Variants in TOR1AIP2 observed in about 807,000 individuals in gnomAD.
TOR1AIP2 encodes the protein torsin-1A-interacting protein 2.
In TOR1AIP2, 20 loss-of-function variants were observed where a neutral mutation model predicts 32.6. The ratio of observed to expected loss-of-function variants is 0.61; its 90% CI spans 0.43 to 0.89. The LOEUF is 0.89. Among genes scored for constraint, TOR1AIP2 ranks in the 40% least tolerant of loss-of-function variants. The pLI is 0.00. For missense variants in TOR1AIP2, 456 were observed against 553.8 expected (o/e 0.82, Z 1.77); for synonymous variants, 214 against 210.8 (o/e 1.02, Z -0.13).
intron 3 of TOR1AIP2, chr1:179,862,396 T>A: frequency 1.0e-6 from 1 of 984,756 alleles, no homozygotes; most frequent in South Asian, 4.7e-5. Context: ...GATAGTGAAA[T>A]TCTTCATTAA....
intron 2 of TOR1AIP2, among the ~76,000 whole-genome samples, chr1:179,870,471 C>G (rs1307320373): frequency 6.6e-6 from 1 of 152,052 alleles, no homozygotes; most frequent in Non-Finnish European, 1.5e-5. Context: ...CTTTTAAACT[C>G]CTAGAGGAAT....
intron 3 of TOR1AIP2, chr1:179,859,854 G>A: frequency 1.0e-6 from 1 of 983,762 alleles, no homozygotes; most frequent in Non-Finnish European, 1.2e-6. Context: ...TAGATAAAGG[G>A]CCTTACTCTG....
At chr1:179,872,158 G>A (rs1315746162) in intron 2 of TOR1AIP2, among the ~76,000 whole-genome samples, 1 of 152,184 alleles carries the variant, frequency 6.6e-6, no homozygotes, top group Non-Finnish European at 1.5e-5. Context: ...AACGAAACAG[G>A]TGTGTATGCA....
chr1:179,868,589 T>G (rs1696886864), intron 2 of TOR1AIP2: 1 of 152,144 alleles, frequency 6.6e-6, no homozygotes, highest in African/African-American at 2.4e-5. Flanking sequence ...TTTAAAAACA[T>G]GAATAAAAAT....
rs1462752712 is a variant in TOR1AIP2, at chr1:179,840,915, T to A, written c.*5156A>T. 3.4e-5 allele frequency: 5 copies of A among 146,916 alleles called. No individual in the cohort carries two copies. Among genetic ancestry groups the A allele is most frequent in the African/African-American group, 1.0e-4 (4 of 38,324 alleles). 9.1% of individuals were successfully genotyped at this position (146,916 alleles called of 1,614,324 possible). ...ATAATAATAATAATAATAATAATAA[T>A]AAAGAAGTTATAGCACAGTTTATTA... On this transcript the variant is annotated 3_prime_UTR_variant, in exon 7 of 7. Transcript: ENST00000609928.
At chr1:179,862,124 G>GC (rs1275073332) in intron 3 of TOR1AIP2, 5 of 985,050 alleles carry the variant, frequency 5.1e-6, no homozygotes, top group Non-Finnish European at 6.0e-6. Flanking sequence ...CTTAGGTATT[G>GC]ATTTGAGAAA....
In TOR1AIP2 at chr1:179,852,801, A is replaced by C; in HGVS notation, c.-136T>G. On this transcript the variant is annotated 5_prime_UTR_variant, in exon 4 of 7. Transcript: ENST00000609928. The stretch of plus-strand genomic sequence containing the variant: ...CCCATGGACCCAGGAAATAAGGCAT[A>C]TATACAGTGACTAAAACAAAATGAA... The C allele has an allele frequency of 6.7e-7, 1 of 1,482,216 alleles. No homozygotes were observed. Among genetic ancestry groups the C allele is most frequent in the Admixed American group, 2.5e-5 (1 of 40,726 alleles). The allele number at this position is 1,482,216 out of a possible 1,614,324, so 91.8% of individuals were successfully genotyped here.
intron 3 of TOR1AIP2, chr1:179,860,002 A>G: frequency 1.6e-6 from 1 of 613,066 alleles, no homozygotes; most frequent in Non-Finnish European, 2.0e-6. Context: ...ACATCCAGCT[A>G]ATTTTTTTCT....
At chr1:179,859,883 A>C in intron 3 of TOR1AIP2, 2 of 957,868 alleles carry the variant, frequency 2.1e-6, no homozygotes, top group Non-Finnish European at 2.5e-6. Context: ...GCTGGAGGGC[A>C]GTAGTACCAT....
intron 3 of TOR1AIP2, among the ~76,000 whole-genome samples, chr1:179,855,266 C>T (rs757136470): frequency 2.5e-4 from 38 of 152,054 alleles, no homozygotes; most frequent in South Asian, 4.1e-4. Context: ...AATTTCTACA[C>T]AAGGTATCAA....
intron 5 of TOR1AIP2, 139 bp downstream of exon 5, chr1:179,850,706 T>G: frequency 9.0e-6 from 9 of 1,000,510 alleles, no homozygotes; most frequent in African/African-American, 1.6e-5. Flanking sequence ...TGGCTTGGTG[T>G]GAGCTTGGGC....
chr1:179,856,437 G>T (rs1696303475), intron 3 of TOR1AIP2, among the ~76,000 whole-genome samples: 1 of 152,104 alleles, frequency 6.6e-6, no homozygotes, highest in Admixed American at 6.5e-5. Context: ...AGCACACACA[G>T]ATCCTACACC....
At chr1:179,870,414 T>C (rs1316016289) in intron 2 of TOR1AIP2, among the ~76,000 whole-genome samples, 1 of 148,818 alleles carries the variant, frequency 6.7e-6, no homozygotes, top group East Asian at 1.9e-4. Context: ...AAAAAAAAAT[T>C]TTTTTTACAT....
intron 3 of TOR1AIP2, chr1:179,863,551 G>A (rs899869118): frequency 8.2e-5 from 81 of 984,898 alleles, no homozygotes; most frequent in Non-Finnish European, 9.4e-5. Context: ...ATCCTAGGCC[G>A]GGTAGGGTGG....
At chr1:179,862,242 T>C (rs576556822) in intron 3 of TOR1AIP2, 1 of 981,172 alleles carries the variant, frequency 1.0e-6, no homozygotes, top group African/African-American at 1.7e-5. Context: ...ATTTTCACAT[T>C]TGTAGAATGT....
Position 179,846,184 on chromosome 1 carries a change from A to G in TOR1AIP2, c.1300T>C (p.Ser434Pro). 6.2e-7 allele frequency: 1 copy of G among 1,614,154 alleles called. No individual in the cohort carries two copies. The highest frequency in any genetic ancestry group is 1.1e-5 in the South Asian group (1 of 91,078). Reference sequence around the variant, plus strand: ...TTGTCTGAGTCCATGTGGTTGAAGGAGGTGGGAGTGTCAGAGTTGGTAAAC... The same window carrying G: ...TTGTCTGAGTCCATGTGGTTGAAGGGGGTGGGAGTGTCAGAGTTGGTAAAC... ...AKFTNSDTPTSFNHMDSDKLS... is the reference protein window; with the variant it reads ...AKFTNSDTPTPFNHMDSDKLS... The change falls in exon 7 of 7, where the codon TCC (serine) becomes CCC (proline). Residue 434 changes from serine (S) to proline (P), a missense_variant. Coordinates refer to ENST00000609928, the MANE Select transcript of TOR1AIP2 (RefSeq NM_001199260.2).
intron 2 of TOR1AIP2, chr1:179,875,727 T>C (rs1475973732): frequency 6.6e-6 from 1 of 150,900 alleles, no homozygotes; most frequent in African/African-American, 2.4e-5. Flanking sequence ...AAAAAAAAAA[T>C]CATGTGCCAG....
At chr1:179,862,006 G>A in intron 3 of TOR1AIP2, 1 of 985,286 alleles carries the variant, frequency 1.0e-6, no homozygotes, top group Non-Finnish European at 1.2e-6. Flanking sequence ...GGCATGAGGT[G>A]TTATTTATAA....
chr1:179,871,788 A>G (rs956286686), intron 2 of TOR1AIP2, among the ~76,000 whole-genome samples: 3 of 152,256 alleles, frequency 2.0e-5, no homozygotes, highest in Non-Finnish European at 2.9e-5. Context: ...GGTTTCTCCA[A>G]TAAGTTTCAT....
Sources: allele counts gnomAD v4.1 joint callset (sites outside exome capture counted in the v4.1 genomes callset), GRCh38; gene constraint gnomAD v4.1.1; transcripts MANE v1.5; gene names NCBI Gene and HGNC (gene_info 2026-07-23, HGNC 2026-07-21).